Variants in AK9 observed in about 807,000 individuals in gnomAD.
The protein encoded by AK9 is adenylate kinase domain containing 1.
In AK9, 191 loss-of-function variants were observed where a neutral mutation model predicts 239.6. The ratio of observed to expected loss-of-function variants is 0.80; its 90% CI spans 0.71 to 0.90. The LOEUF (loss-of-function observed/expected upper bound fraction) is 0.90, where lower values mean the gene tolerates loss of function less well. Ranked by LOEUF, AK9 falls within the 40% of genes least tolerant of loss-of-function variation. The pLI is 0.00. For synonymous variants in AK9, 689 were observed against 721.0 expected, an observed-to-expected ratio of 0.96 and a Z score of 0.71; for missense variants, 1,995 against 2,214.7, an observed-to-expected ratio of 0.90 and a Z score of 1.99.
At chr6:109,519,900 C>CTT (rs1779663432) in intron 29 of AK9, among the ~76,000 whole-genome samples, 2 of 151,670 alleles carry the variant, frequency 1.3e-5, no homozygotes, top group South Asian at 4.2e-4. Context: ...TGTATGTCTT[C>CTT]TTTTGAAAAG....
intron 17 of AK9, among the ~76,000 whole-genome samples, chr6:109,599,984 C>G (rs561186347): frequency 2.6e-5 from 4 of 152,274 alleles, no homozygotes; most frequent in African/African-American, 9.6e-5. Context: ...TGGGCTGAGA[C>G]GATGGGGTTT....
At chr6:109,536,570 C>A (rs1309304998) in intron 27 of AK9, among the ~76,000 whole-genome samples, 3 of 152,222 alleles carry the variant, frequency 2.0e-5, no homozygotes, top group Non-Finnish European at 2.9e-5. Flanking sequence ...TTGACTTCCT[C>A]TTTTCCTAAC....
intron 24 of AK9, among the ~76,000 whole-genome samples, chr6:109,562,098 C>A (rs1434850400): frequency 6.6e-6 from 1 of 152,024 alleles, no homozygotes; most frequent in Non-Finnish European, 1.5e-5. Context: ...ATATATTGTG[C>A]AAATATTCAA....
chr6:109,575,275 T>C (rs572240403), intron 20 of AK9, among the ~76,000 whole-genome samples: 16 of 152,324 alleles, frequency 1.1e-4, no homozygotes, highest in African/African-American at 3.4e-4. Flanking sequence ...CATAGTGTTG[T>C]ACTGGTTTAC....
At chr6:109,618,376 A>G (rs1794423337) in intron 13 of AK9, among the ~76,000 whole-genome samples, 1 of 152,076 alleles carries the variant, frequency 6.6e-6, no homozygotes, top group South Asian at 2.1e-4. Context: ...CCAATCAATG[A>G]ACATCAAAAG....
chr6:109,632,223 T>A, intron 12 of AK9: 1 of 985,444 alleles, frequency 1.0e-6, no homozygotes, highest in South Asian at 4.7e-5. Context: ...CTTAAAAGAA[T>A]GCAACAGCAC....
intron 32 of AK9, 59 bp downstream of exon 32, chr6:109,514,165 C>A: frequency 6.9e-7 from 1 of 1,451,876 alleles, no homozygotes. Flanking sequence ...CTGCCATGTG[C>A]ATTGGGTACA....
intron 34 of AK9, 44 bp from the exon 35 acceptor site, chr6:109,506,591 A>G (rs1225189817): frequency 1.9e-6 from 3 of 1,540,500 alleles, no homozygotes; most frequent in Admixed American, 2.0e-5. Flanking sequence ...TGTTAAAAAC[A>G]TATCTTTTCC....
intron 35 of AK9, among the ~76,000 whole-genome samples, chr6:109,502,743 C>T (rs965571228): frequency 6.6e-6 from 1 of 152,228 alleles, no homozygotes; most frequent in African/African-American, 2.4e-5. Context: ...AGGGTGGCCT[C>T]TGGCCAATAG....
In AK9 at chr6:109,638,143, C is replaced by T. The variant is rs56070965; in HGVS notation, c.933+3375G>A. Among the ~76,000 whole-genome samples, 443 of 152,354 alleles carry T rather than the reference C, an allele frequency of 2.9e-3. 1 individual carries two copies. Among genetic ancestry groups the T allele is most frequent in the African/African-American group, 0.01 (425 of 41,572 alleles). On this transcript the variant is annotated intron_variant, in intron 10 of 40. Transcript: ENST00000424296. ...ATACAGCTTATGAACTACAACCTTA[C>T]ACCTATGCCCCATGCATGCAATGCT...
At chr6:109,624,426 T>G (rs762253348) in intron 12 of AK9, among the ~76,000 whole-genome samples, 2 of 152,198 alleles carry the variant, frequency 1.3e-5, no homozygotes, top group Non-Finnish European at 2.9e-5. Context: ...AGGCAATTTT[T>G]TGTGTGTGTG....
rs3060763 is a variant in AK9, at chr6:109,576,420, C to CTTTTTTTTTTTTTTTT, written c.2192-2842_2192-2827dup. On this transcript the variant is annotated intron_variant, in intron 20 of 40. Coordinates refer to ENST00000424296, the MANE Select transcript of AK9 (RefSeq NM_001145128.3). The stretch of plus-strand genomic sequence containing the variant: ...GGTTAGGTGTATATACATATATATA[C>CTTTTTTTTTTTTTTTT]TTTTTTTTTTTTTTTTTGCAGCTGT... Among the ~76,000 whole-genome samples, 3 of 103,478 alleles carry CTTTTTTTTTTTTTTTT rather than the reference C, an allele frequency of 2.9e-5. 1 individual carries two copies. Among genetic ancestry groups the CTTTTTTTTTTTTTTTT allele is most frequent in the Non-Finnish European group, 2.0e-5 (1 of 51,216 alleles). The allele number at this position is 103,478 out of a possible 152,430, so 67.9% of individuals were successfully genotyped here. A position where few individuals can be genotyped will look rare whatever the true frequency, so the allele number is the denominator to read the frequency against.
rs572150846 is a variant in AK9 at position 109,650,264 on chromosome 6, A to C, written c.760-5576T>G. On this transcript the variant is annotated intron_variant, in intron 8 of 40. Coordinates refer to ENST00000424296, the MANE Select transcript of AK9 (RefSeq NM_001145128.3). ...TCTAATTAAACTAAAGAGCTTCTGC[A>C]CAGCAAAAGAAACTACCATCAGAGT... is the stretch of plus-strand genomic sequence containing the variant. Among the ~76,000 whole-genome samples, 928 of 151,916 alleles carry C rather than the reference A, an allele frequency of 6.1e-3. 14 individuals carry two copies. The highest frequency in any genetic ancestry group is 0.021 in the African/African-American group (880 of 41,544).
chr6:109,572,249 C>T (rs1281404823), intron 21 of AK9, among the ~76,000 whole-genome samples: 2 of 152,264 alleles, frequency 1.3e-5, no homozygotes, highest in East Asian at 1.9e-4. Flanking sequence ...CTCAACCCCC[C>T]TCTCGTCTTC....
intron 8 of AK9, among the ~76,000 whole-genome samples, chr6:109,651,932 A>G (rs960200289): frequency 6.6e-6 from 1 of 152,206 alleles, no homozygotes; most frequent in African/African-American, 2.4e-5. Flanking sequence ...AACCAAAAAA[A>G]GTCCAGGACC....
chr6:109,664,698 C>T (rs964373995), intron 5 of AK9, among the ~76,000 whole-genome samples: 10 of 149,752 alleles, frequency 6.7e-5, no homozygotes, highest in African/African-American at 2.4e-4. Flanking sequence ...GCTGGTATTA[C>T]AGGCATGAGC....
chr6:109,612,645 G>A (rs376903687), intron 15 of AK9, among the ~76,000 whole-genome samples: 10 of 151,982 alleles, frequency 6.6e-5, no homozygotes, highest in African/African-American at 1.7e-4. Flanking sequence ...GGGTGGGGTC[G>A]TTCTGTGAAG....
intron 17 of AK9, among the ~76,000 whole-genome samples, chr6:109,587,958 T>C (rs1283639211): frequency 6.6e-6 from 1 of 152,244 alleles, no homozygotes; most frequent in East Asian, 1.9e-4. Flanking sequence ...CATCTGTTTT[T>C]TGACTTTGTA....
intron 39 of AK9, 122 bp from the exon 40 acceptor site, chr6:109,494,217 G>A: frequency 1.7e-6 from 1 of 590,992 alleles, no homozygotes; most frequent in Non-Finnish European, 3.0e-6. Flanking sequence ...AGTGGGGATG[G>A]GGCTTATAAA....
Sources: gnomAD v4.1 joint callset for allele counts (sites outside exome capture counted in the v4.1 genomes callset) on GRCh38, gnomAD v4.1.1 for gene constraint, MANE v1.5 for transcripts, NCBI Gene and HGNC (gene_info 2026-07-23, HGNC 2026-07-21) for gene names.